PDE4D: variants seen among roughly 807,000 people sequenced by gnomAD.
PDE4D encodes phosphodiesterase 4D.
Under a neutral mutation model 87.4 loss-of-function variants are expected in PDE4D, and 24 were observed. The observed-to-expected ratio is 0.27, with a 90% CI of 0.20 to 0.39. PDE4D has a LOEUF of 0.39. Among genes scored for constraint, PDE4D ranks in the 10% least tolerant of loss-of-function variants. The probability of loss-of-function intolerance (pLI) is 1.00; values close to 1 mark genes in which losing one functional copy is unlikely to be tolerated. For missense variants in PDE4D, 714 were observed against 1,041.0 expected, an observed-to-expected ratio of 0.69 and a Z score of 4.32; for synonymous variants, 384 against 383.2, an observed-to-expected ratio of 1.00 and a Z score of -0.02.
At chr5:59,131,935 T>C (rs1237189289) in intron 5 of PDE4D, among the ~76,000 whole-genome samples, 2 of 152,128 alleles carry the variant, frequency 1.3e-5, no homozygotes, top group African/African-American at 2.4e-5. Context: ...TAAGGATACA[T>C]GTCTTAGTTT....
At chr5:59,597,359 T>G (rs1826845919) in intron 1 of PDE4D, among the ~76,000 whole-genome samples, 1 of 152,182 alleles carries the variant, frequency 6.6e-6, no homozygotes, top group Non-Finnish European at 1.5e-5. Flanking sequence ...ACAATGTATC[T>G]ACATCTACAT....
At chr5:59,796,440 G>GC (rs56952657) in intron 1 of PDE4D, among the ~76,000 whole-genome samples, 20,797 of 152,192 alleles carry the variant, frequency 0.14, 4,615 homozygotes, top group African/African-American at 0.47. Context: ...GTGGGTTTGA[G>GC]CTTGGCTCTG....
chr5:59,794,155 A>G (rs1020777488), intron 1 of PDE4D, among the ~76,000 whole-genome samples: 59 of 150,022 alleles, frequency 3.9e-4, no homozygotes, highest in Non-Finnish European at 6.1e-4. Flanking sequence ...ACACACACAC[A>G]CACACACACA....
intron 1 of PDE4D, among the ~76,000 whole-genome samples, chr5:59,404,320 C>G (rs975436871): frequency 6.6e-6 from 1 of 152,124 alleles, no homozygotes; most frequent in Non-Finnish European, 1.5e-5. Flanking sequence ...TCCCATTTGT[C>G]TATTTTCGCT....
At chr5:59,355,789 T>C (rs1781285085) in intron 1 of PDE4D, among the ~76,000 whole-genome samples, 1 of 152,172 alleles carries the variant, frequency 6.6e-6, no homozygotes, top group Non-Finnish European at 1.5e-5. Flanking sequence ...TTATCTTCTT[T>C]AGTGTCTAAA....
rs115809907 is a variant in PDE4D, at chr5:59,433,491, G to A, written c.456-217523C>T. Among the ~76,000 whole-genome samples the A allele has an allele frequency of 5.3e-3, 806 of 152,140 alleles. 11 individuals are homozygous for A. The highest frequency in any genetic ancestry group is 0.017 in the African/African-American group (719 of 41,502). ...GGGAAGAAAATGGAATCTTTCTATCGTCAACAATTCCCTTTCTCTGGGGCT... is the reference window on the plus strand; with the variant it reads ...GGGAAGAAAATGGAATCTTTCTATCATCAACAATTCCCTTTCTCTGGGGCT... On this transcript the variant is annotated intron_variant, in intron 1 of 14. Transcript: ENST00000340635.
At chr5:60,391,686 A>T (rs1762570559) in intron 1 of PDE4D, among the ~76,000 whole-genome samples, 1 of 152,124 alleles carries the variant, frequency 6.6e-6, no homozygotes, top group African/African-American at 2.4e-5. Flanking sequence ...ATCCAGGATA[A>T]TCTCCCTATT....
intron 1 of PDE4D, among the ~76,000 whole-genome samples, chr5:60,300,072 T>A (rs767934579): frequency 1.3e-5 from 2 of 152,176 alleles, no homozygotes; most frequent in South Asian, 4.1e-4. Context: ...TTGTTTTTTT[T>A]ATTCTTAATC....
At chr5:59,458,234 A>C (rs2153644841) in intron 1 of PDE4D, among the ~76,000 whole-genome samples, 1 of 152,362 alleles carries the variant, frequency 6.6e-6, no homozygotes, top group East Asian at 1.9e-4. Context: ...AACTGTGTAG[A>C]AAGAAACTAT....
chr5:60,264,601 G>A (rs1306829162), intron 1 of PDE4D, among the ~76,000 whole-genome samples: 2 of 152,256 alleles, frequency 1.3e-5, no homozygotes, highest in East Asian at 3.9e-4. Context: ...GTGAAGTACA[G>A]TTGGTTGCCA....
At chr5:59,749,461 G>A (rs1246756470) in intron 1 of PDE4D, among the ~76,000 whole-genome samples, 2 of 152,006 alleles carry the variant, frequency 1.3e-5, no homozygotes, top group Non-Finnish European at 2.9e-5. Flanking sequence ...ATGAGGTTTT[G>A]CCATGTTGGC....
intron 1 of PDE4D, among the ~76,000 whole-genome samples, chr5:60,311,150 G>A (rs1333175334): frequency 2.0e-5 from 3 of 151,960 alleles, no homozygotes; most frequent in East Asian, 1.9e-4. Flanking sequence ...CCCCAGGGCC[G>A]GGATTACAGG....
intron 1 of PDE4D, among the ~76,000 whole-genome samples, chr5:60,511,205 A>G (rs1373841905): frequency 6.6e-6 from 1 of 152,054 alleles, no homozygotes; most frequent in African/African-American, 2.4e-5. Context: ...CCTGACCTCA[A>G]GTGATCCTCC....
chr5:59,655,892 A>C lies in PDE4D; in HGVS notation c.455+237276T>G, dbSNP rs904537720. ...CAGCTGGCTGGAACTTCATACTCCA[A>C]AGTTCAAGTCTAGATCACTTCAAGT... On this transcript the variant is annotated intron_variant, in intron 1 of 14. Transcript: ENST00000340635. Among the ~76,000 whole-genome samples the C allele has an allele frequency of 2.0e-5, 3 of 152,332 alleles. No homozygotes were observed. In the South Asian group the frequency reaches 6.2e-4, roughly 32 times the overall value.
At chr5:59,752,956 A>T (rs1399740936) in intron 1 of PDE4D, among the ~76,000 whole-genome samples, 2 of 152,216 alleles carry the variant, frequency 1.3e-5, no homozygotes, top group Non-Finnish European at 2.9e-5. Flanking sequence ...GGCGAAATTC[A>T]GCCTATTTGT....
chr5:59,181,613 T>C (rs1741611341), intron 4 of PDE4D, among the ~76,000 whole-genome samples: 1 of 147,222 alleles, frequency 6.8e-6, no homozygotes, highest in Non-Finnish European at 1.5e-5. Flanking sequence ...CTACCAAGGG[T>C]GAACACTTAA....
intron 1 of PDE4D, among the ~76,000 whole-genome samples, chr5:59,743,897 A>C (rs6897073): frequency 0.25 from 37,449 of 151,908 alleles, 4,856 homozygotes; most frequent in African/African-American, 0.29. Context: ...TGTAACAATG[A>C]AGATCAGAAA....
intron 1 of PDE4D, among the ~76,000 whole-genome samples, chr5:59,231,170 G>C (rs1184337137): frequency 6.6e-6 from 1 of 152,164 alleles, no homozygotes; most frequent in African/African-American, 2.4e-5. Context: ...TGATTTTATA[G>C]AGTGAAGAAA....
At chr5:59,222,165 C>T (rs1042520514) in intron 1 of PDE4D, among the ~76,000 whole-genome samples, 4 of 152,186 alleles carry the variant, frequency 2.6e-5, no homozygotes, top group Non-Finnish European at 4.4e-5. Context: ...TGTTCCATTT[C>T]AGTGGAATTA....
Sources: gnomAD v4.1 joint callset for allele counts (sites outside exome capture counted in the v4.1 genomes callset) on GRCh38, gnomAD v4.1.1 for gene constraint, MANE v1.5 for transcripts, NCBI Gene and HGNC (gene_info 2026-07-23, HGNC 2026-07-21) for gene names.